Variants in ATP8A1 observed in about 807,000 individuals in gnomAD.
The protein encoded by ATP8A1 is phospholipid-transporting ATPase IA.
A neutral mutation model predicts 177.7 loss-of-function variants in ATP8A1; 90 were observed. The observed-to-expected ratio is 0.51, with a 90% CI of 0.43 to 0.60. The LOEUF is 0.60. Ranked by LOEUF, ATP8A1 falls within the 20% of genes least tolerant of loss-of-function variation. The pLI is 0.00. For missense variants in ATP8A1, 1,072 were observed against 1,392.8 expected, an observed-to-expected ratio of 0.77 and a Z score of 3.67; for synonymous variants, 493 against 485.9, an observed-to-expected ratio of 1.01 and a Z score of -0.19.
intron 1 of ATP8A1, among the ~76,000 whole-genome samples, chr4:42,643,039 A>T (rs1380847877): frequency 6.6e-6 from 1 of 152,210 alleles, no homozygotes; most frequent in East Asian, 1.9e-4. Context: ...ATGTCCCTGC[A>T]GTTTGGAGCA....
chr4:42,483,220 GA>G (rs1371015037), intron 25 of ATP8A1, among the ~76,000 whole-genome samples: 1 of 152,168 alleles, frequency 6.6e-6, no homozygotes, highest in African/African-American at 2.4e-5. Flanking sequence ...ACCAGGCCAA[GA>G]AGGTGCACAG....
At chr4:42,563,322 T>C (rs1383856096) in intron 15 of ATP8A1, among the ~76,000 whole-genome samples, 9 of 152,168 alleles carry the variant, frequency 5.9e-5, no homozygotes, top group African/African-American at 1.7e-4. Flanking sequence ...AGAGAGATGA[T>C]TAGGGTATCT....
Position 42,444,623 on chromosome 4 carries a change from T to A in ATP8A1, c.2970A>T (p.Ile990=). ...LGNFVYTFVV[I]TVCLKAGLET... is the part of the protein sequence containing the mutation. ...CCAATCCAGCTTTCAAACACACAGTTATCACCACAAACTAAAACAGAAGGG... is the reference window on the plus strand; with the variant it reads ...CCAATCCAGCTTTCAAACACACAGTAATCACCACAAACTAAAACAGAAGGG... Residue 990 remains isoleucine (I), a synonymous_variant, in exon 32 of 37, where the codon ATA becomes ATT. Coordinates refer to ENST00000381668, the MANE Select transcript of ATP8A1 (RefSeq NM_006095.2). 1 of 1,613,968 alleles carries A rather than the reference T, an allele frequency of 6.2e-7. No individual in the cohort carries two copies. Among genetic ancestry groups the A allele is most frequent in the Non-Finnish European group, 8.5e-7 (1 of 1,179,936 alleles).
chr4:42,511,878 C>T (rs772142713), intron 22 of ATP8A1, among the ~76,000 whole-genome samples: 1 of 152,004 alleles, frequency 6.6e-6, no homozygotes, highest in Non-Finnish European at 1.5e-5. Context: ...TAATCAAACT[C>T]GTATCAACCT....
At chr4:42,587,596 C>A (rs1432757403) in intron 8 of ATP8A1, among the ~76,000 whole-genome samples, 1 of 150,006 alleles carries the variant, frequency 6.7e-6, no homozygotes, top group Non-Finnish European at 1.5e-5. Flanking sequence ...AGCCACTGTG[C>A]CCATCCTTGT....
At position 42,634,086 on chromosome 4, in the gene ATP8A1, A is replaced by T. The variant is rs60904874; in HGVS notation, c.50-6977T>A. On this transcript the variant is annotated intron_variant, in intron 1 of 36. Transcript: ENST00000381668. ...AATTCACTGACAGGTTTAAGTAGAA[A>T]GACCATTTCGAGGACACTGTGATAA... Among the ~76,000 whole-genome samples the T allele has an allele frequency of 5.6e-3, 860 of 152,338 alleles. 9 individuals carry two copies. The highest frequency in any genetic ancestry group is 0.02 in the African/African-American group (827 of 41,568).
intron 1 of ATP8A1, among the ~76,000 whole-genome samples, chr4:42,638,301 T>C (rs1186418496): frequency 6.6e-6 from 1 of 152,314 alleles, no homozygotes; most frequent in East Asian, 1.9e-4. Flanking sequence ...ACCACAGCAG[T>C]TATTGTCTAA....
chr4:42,559,583 A>C (rs563901330), intron 15 of ATP8A1, among the ~76,000 whole-genome samples: 11 of 152,346 alleles, frequency 7.2e-5, no homozygotes, highest in Non-Finnish European at 1.6e-4. Flanking sequence ...TAAAATTTAA[A>C]ATACTTTGAT....
intron 4 of ATP8A1, among the ~76,000 whole-genome samples, chr4:42,622,140 C>G (rs1372424626): frequency 6.6e-6 from 1 of 151,416 alleles, no homozygotes; most frequent in African/African-American, 2.4e-5. Flanking sequence ...TTTTGGGAGG[C>G]CAAGGTGGGT....
intron 1 of ATP8A1, among the ~76,000 whole-genome samples, chr4:42,636,147 C>CGT (rs750560295): frequency 5.5e-4 from 12 of 21,926 alleles, no homozygotes; most frequent in African/African-American, 1.3e-3. Context: ...CACACACACA[C>CGT]ACACACACAC....
intron 33 of ATP8A1, among the ~76,000 whole-genome samples, chr4:42,434,696 G>C (rs1715714441): frequency 6.6e-6 from 1 of 152,148 alleles, no homozygotes; most frequent in African/African-American, 2.4e-5. Flanking sequence ...ATTAGCTTTT[G>C]GTCAATGAGA....
At chr4:42,621,285 A>C (rs543236399) in intron 4 of ATP8A1, among the ~76,000 whole-genome samples, 1 of 152,352 alleles carries the variant, frequency 6.6e-6, no homozygotes, top group East Asian at 1.9e-4. Flanking sequence ...CTGATGATCT[A>C]AATGTTCAAT....
chr4:42,502,709 G>T (rs1036595122), intron 24 of ATP8A1, among the ~76,000 whole-genome samples: 1 of 152,086 alleles, frequency 6.6e-6, no homozygotes, highest in Non-Finnish European at 1.5e-5. Flanking sequence ...TCCCTTCCAC[G>T]CATGTGGCCT....
At chr4:42,626,669 A>C (rs1473405227) in intron 2 of ATP8A1, 2 of 284,178 alleles carry the variant, frequency 7.0e-6, no homozygotes, top group Non-Finnish European at 1.3e-5. Flanking sequence ...TAAAATGTTA[A>C]AACTTGCTAA....
chr4:42,437,986 T>C (rs1218256581), intron 33 of ATP8A1, among the ~76,000 whole-genome samples: 2 of 152,224 alleles, frequency 1.3e-5, no homozygotes, highest in Non-Finnish European at 2.9e-5. Flanking sequence ...AAATAGTATA[T>C]GCACATCATG....
At chr4:42,507,227 T>G (rs1724462518) in intron 22 of ATP8A1, 73 bp from the exon 23 acceptor site, 3 of 1,453,512 alleles carry the variant, frequency 2.1e-6, no homozygotes, top group Admixed American at 2.0e-5. Flanking sequence ...TTGAAGTGTG[T>G]ATATGTTTTA....
At chr4:42,656,412 G>A (rs924887655) in intron 1 of ATP8A1, among the ~76,000 whole-genome samples, 5 of 152,172 alleles carry the variant, frequency 3.3e-5, no homozygotes, top group East Asian at 1.9e-4. Flanking sequence ...TCCTGCAGCC[G>A]GGGAAAAGCA....
rs1553875018 is a variant in ATP8A1 at position 42,448,401 on chromosome 4, C to CTTTTTCTTTTT, written c.2897-1758_2897-1757insAAAAAGAAAAA. Among the ~76,000 whole-genome samples the CTTTTTCTTTTT allele has an allele frequency of 5.0e-5, 5 of 99,558 alleles. 1 individual carries two copies. Among genetic ancestry groups the CTTTTTCTTTTT allele is most frequent in the Admixed American group, 1.5e-4 (1 of 6,704 alleles). The allele number at this position is 99,558 out of a possible 152,430, so 65.3% of individuals were successfully genotyped here. A position where few individuals can be genotyped will look rare whatever the true frequency, so the allele number is the denominator to read the frequency against. On this transcript the variant is annotated intron_variant, in intron 30 of 36. Coordinates refer to ENST00000381668, the MANE Select transcript of ATP8A1 (RefSeq NM_006095.2). ...CTCCCTCCCTCCTTCTCTTTCTTTT[C>CTTTTTCTTTTT]TTTTTTTTTTTTTTGAGATGGAGTC...
In ATP8A1 at chr4:42,624,642, G is replaced by GAAA. The variant is rs11306052; in HGVS notation, c.265-11_265-9dup. ...TGACACATCAGGTATTTGCTGTTTG[G>GAAA]AAAAAAAAAAAAAAGAGAAATCCAA... On this transcript the variant is annotated splice_polypyrimidine_tract_variant and intron_variant, in intron 3 of 36. Coordinates refer to ENST00000381668, the MANE Select transcript of ATP8A1 (RefSeq NM_006095.2). 6 of 969,178 alleles carry GAAA rather than the reference G, an allele frequency of 6.2e-6. No homozygotes were observed. Among genetic ancestry groups the GAAA allele is most frequent in the African/African-American group, 3.4e-5 (2 of 58,306 alleles). The allele number at this position is 969,178 out of a possible 1,614,324, so 60.0% of individuals were successfully genotyped here. A position where few individuals can be genotyped will look rare whatever the true frequency, so the allele number is the denominator to read the frequency against.
Sources: allele counts gnomAD v4.1 joint callset (sites outside exome capture counted in the v4.1 genomes callset), GRCh38; gene constraint gnomAD v4.1.1; transcripts MANE v1.5; gene names NCBI Gene and HGNC (gene_info 2026-07-23, HGNC 2026-07-21).